The following PALLD variants were observed in gnomAD, a reference collection of about 807,000 sequenced individuals.
The protein encoded by PALLD is palladin.
PALLD carries 61 observed loss-of-function variants against 123.5 expected under a neutral mutation model. The ratio of observed to expected loss-of-function variants is 0.49; its 90% CI spans 0.40 to 0.61. The LOEUF (loss-of-function observed/expected upper bound fraction) is 0.61, where lower values mean the gene tolerates loss of function less well. Among genes scored for constraint, PALLD ranks in the 20% least tolerant of loss-of-function variants. The pLI is 0.00. For missense variants in PALLD, 1,273 were observed against 1,377.0 expected, an observed-to-expected ratio of 0.92 and a Z score of 1.20; for synonymous variants, 465 against 496.4, an observed-to-expected ratio of 0.94 and a Z score of 0.84.
intron 10 of PALLD, chr4:168,829,258 C>G (rs1743858337): frequency 6.6e-6 from 1 of 150,712 alleles, no homozygotes; most frequent in Non-Finnish European, 1.5e-5. Flanking sequence ...GTGTACGCAT[C>G]TTTCCGGGCA....
At chr4:168,501,417 GAGA>G (rs1303259283) in intron 1 of PALLD, among the ~76,000 whole-genome samples, 6 of 152,086 alleles carry the variant, frequency 3.9e-5, no homozygotes, top group East Asian at 1.9e-4. Context: ...GAAAGGAAAA[GAGA>G]AGAAGAAGAA....
At chr4:168,593,407 G>C (rs546740515) in intron 2 of PALLD, among the ~76,000 whole-genome samples, 2 of 135,950 alleles carry the variant, frequency 1.5e-5, no homozygotes, top group African/African-American at 5.9e-5. Flanking sequence ...AAAGTACTTT[G>C]TTTAGTAAAG....
chr4:168,564,934 G>A lies in PALLD; in HGVS notation c.908+52522G>A, dbSNP rs142750407. ...TGGCTGGGTGCAGTGGCTCATGCCC[G>A]TAATCCCAGCACTTTGGGAGGCCAA... On this transcript the variant is annotated intron_variant, in intron 2 of 21. Coordinates refer to ENST00000505667, the MANE Select transcript of PALLD (RefSeq NM_001166108.2). 3.0e-3 allele frequency among the ~76,000 whole-genome samples: 457 copies of A among 151,278 alleles called. 11 individuals are homozygous for A. The highest frequency in any genetic ancestry group is 9.6e-4 in the Non-Finnish European group (65 of 67,902).
At chr4:168,763,704 A>G (rs1017663690) in intron 10 of PALLD, among the ~76,000 whole-genome samples, 7 of 152,144 alleles carry the variant, frequency 4.6e-5, no homozygotes, top group Non-Finnish European at 1.0e-4. Flanking sequence ...TGGGATAGAG[A>G]CAGCATGAAC....
intron 2 of PALLD, among the ~76,000 whole-genome samples, chr4:168,653,891 A>G (rs1442812102): frequency 6.6e-6 from 1 of 151,990 alleles, no homozygotes. Flanking sequence ...TAGTAGAGAC[A>G]GGGTTTCACC....
intron 10 of PALLD, among the ~76,000 whole-genome samples, chr4:168,747,529 T>G (rs980854820): frequency 6.6e-6 from 1 of 152,214 alleles, no homozygotes; most frequent in African/African-American, 2.4e-5. Flanking sequence ...AGACAGTATG[T>G]TTGAAACTAC....
intron 2 of PALLD, among the ~76,000 whole-genome samples, chr4:168,595,542 C>G (rs538421742): frequency 6.6e-6 from 1 of 152,166 alleles, no homozygotes; most frequent in African/African-American, 2.4e-5. Context: ...AGTGTATTGG[C>G]CTTTTAGTGC....
chr4:168,582,142 T>C (rs1770349693), intron 2 of PALLD, among the ~76,000 whole-genome samples: 1 of 152,138 alleles, frequency 6.6e-6, no homozygotes, highest in South Asian at 2.1e-4. Context: ...AGTATCTTAC[T>C]GCTCTCATTA....
At chr4:168,769,693 A>T (rs1192423688) in intron 10 of PALLD, among the ~76,000 whole-genome samples, 1 of 152,220 alleles carries the variant, frequency 6.6e-6, no homozygotes, top group African/African-American at 2.4e-5. Flanking sequence ...GCCAGACATC[A>T]CATTGGGTCT....
At chr4:168,919,433 G>A (rs899773380) in intron 17 of PALLD, among the ~76,000 whole-genome samples, 9 of 151,814 alleles carry the variant, frequency 5.9e-5, no homozygotes, top group Non-Finnish European at 1.2e-4. Flanking sequence ...GCTGAGGCAA[G>A]AGAATTGCTT....
rs1212207686 is a variant in PALLD, at chr4:168,562,455, C to A, written c.908+50043C>A. On this transcript the variant is annotated intron_variant, in intron 2 of 21. Transcript: ENST00000505667. ...TTCTGCCTTCAAGTTTATGTGCTGG[C>A]AAGAGGAAAAAGATAGCAAATACAT... Among the ~76,000 whole-genome samples, 3 of 151,960 alleles carry A rather than the reference C, an allele frequency of 2.0e-5. No individual in the cohort carries two copies. The East Asian group carries it at 5.8e-4, about 29-fold the overall frequency.
chr4:168,849,922 C>T (rs1236708728), intron 10 of PALLD, among the ~76,000 whole-genome samples: 1 of 152,064 alleles, frequency 6.6e-6, no homozygotes, highest in Admixed American at 6.6e-5. Context: ...AAAAGAGATG[C>T]CAGGCTATAT....
At chr4:168,747,088 C>T (rs965140006) in intron 10 of PALLD, among the ~76,000 whole-genome samples, 4 of 152,190 alleles carry the variant, frequency 2.6e-5, no homozygotes, top group African/African-American at 7.2e-5. Context: ...CTATTTACTA[C>T]ACATTTTTTA....
intron 8 of PALLD, among the ~76,000 whole-genome samples, chr4:168,691,677 C>T (rs911240072): frequency 2.6e-5 from 4 of 152,120 alleles, no homozygotes; most frequent in Admixed American, 6.5e-5. Flanking sequence ...CCACTAACAA[C>T]CCCAGCTTAG....
At chr4:168,678,954 G>A (rs890859692) in intron 3 of PALLD, among the ~76,000 whole-genome samples, 28 of 148,636 alleles carry the variant, frequency 1.9e-4, no homozygotes, top group Non-Finnish European at 2.8e-4. Context: ...TGTGGTGTGT[G>A]TGTGGGTGTG....
intron 2 of PALLD, among the ~76,000 whole-genome samples, chr4:168,553,701 G>T (rs1265729194): frequency 3.3e-5 from 5 of 152,064 alleles, no homozygotes; most frequent in African/African-American, 9.7e-5. Context: ...TGTTGTTGTT[G>T]TTGTTGTTGG....
intron 2 of PALLD, among the ~76,000 whole-genome samples, chr4:168,518,411 C>G (rs1184444324): frequency 2.0e-5 from 3 of 152,170 alleles, no homozygotes; most frequent in South Asian, 2.1e-4. Context: ...GGGCTTCTCA[C>G]TTAGTCCGAG....
intron 15 of PALLD, among the ~76,000 whole-genome samples, chr4:168,912,009 G>GCCA (rs925524252): frequency 2.4e-4 from 36 of 151,988 alleles, no homozygotes; most frequent in Non-Finnish European, 4.1e-4. Context: ...GGTGGTTATA[G>GCCA]CCCTAAAGAA....
intron 14 of PALLD, among the ~76,000 whole-genome samples, chr4:168,902,240 G>T (rs1270250144): frequency 1.3e-5 from 2 of 152,136 alleles, no homozygotes; most frequent in Non-Finnish European, 2.9e-5. Context: ...CAACTAAAGG[G>T]TCTAAAGTAT....
Sources: allele counts gnomAD v4.1 joint callset (sites outside exome capture counted in the v4.1 genomes callset), GRCh38; gene constraint gnomAD v4.1.1; transcripts MANE v1.5; gene names NCBI Gene and HGNC (gene_info 2026-07-23, HGNC 2026-07-21).